Variants in FAM184A observed in about 807,000 individuals in gnomAD.
FAM184A encodes protein FAM184A.
A neutral mutation model predicts 143.8 loss-of-function variants in FAM184A; 99 were observed. The ratio of observed to expected loss-of-function variants is 0.69; its 90% CI spans 0.58 to 0.81. The LOEUF is 0.81. FAM184A is among the 40% of genes least tolerant of loss of function. The pLI, the probability that FAM184A is intolerant of heterozygous loss-of-function variation, is 0.00. For synonymous variants in FAM184A, 427 were observed against 446.4 expected (o/e 0.96, Z 0.55); for missense variants, 1,217 against 1,310.5 (o/e 0.93, Z 1.10).
chr6:119,053,732 G>A (rs1786852521), intron 1 of FAM184A, among the ~76,000 whole-genome samples: 1 of 152,118 alleles, frequency 6.6e-6, no homozygotes, highest in South Asian at 2.1e-4. Context: ...AAAAATGATT[G>A]ACAACCACCT....
At chr6:119,015,926 G>GTCT (rs1394970683) in intron 5 of FAM184A, among the ~76,000 whole-genome samples, 1 of 152,100 alleles carries the variant, frequency 6.6e-6, no homozygotes, top group African/African-American at 2.4e-5. Context: ...GTGGGGCCTT[G>GTCT]GAGAACCTTT....
intron 9 of FAM184A, among the ~76,000 whole-genome samples, chr6:118,995,419 C>G (rs930687265): frequency 2.7e-5 from 4 of 150,424 alleles, no homozygotes; most frequent in African/African-American, 7.3e-5. Context: ...ACCCTGTCTC[C>G]AAAAAAGAAA....
intron 1 of FAM184A, among the ~76,000 whole-genome samples, chr6:119,040,731 C>A (rs556839494): frequency 2.4e-3 from 370 of 152,234 alleles, no homozygotes; most frequent in African/African-American, 8.2e-3. Context: ...CCTGTTATAT[C>A]CCGGGGCTAA....
intron 1 of FAM184A, among the ~76,000 whole-genome samples, chr6:119,054,241 C>T (rs549736145): frequency 2.0e-5 from 3 of 152,306 alleles, no homozygotes; most frequent in Admixed American, 2.0e-4. Context: ...CAAAATGAAT[C>T]ACGCTAGCTT....
chr6:118,966,104 C>T (rs1783494321), intron 15 of FAM184A, among the ~76,000 whole-genome samples: 1 of 152,136 alleles, frequency 6.6e-6, no homozygotes, highest in Non-Finnish European at 1.5e-5. Flanking sequence ...GGCTGCCTCT[C>T]CTAAATGCAA....
intron 11 of FAM184A, among the ~76,000 whole-genome samples, chr6:118,976,871 A>G (rs959151403): frequency 2.0e-5 from 3 of 152,150 alleles, no homozygotes; most frequent in Middle Eastern, 3.2e-3. Flanking sequence ...ACACATTCCT[A>G]TCAGAAAGGA....
At chr6:119,024,841 A>C (rs1785575137) in intron 1 of FAM184A, 28 bp from the exon 2 acceptor site, 1 of 1,532,520 alleles carries the variant, frequency 6.5e-7, no homozygotes, top group Non-Finnish European at 8.7e-7. Flanking sequence ...AGAAGGGAGA[A>C]GGATTGTGAA....
rs749235513 is a variant in FAM184A, at chr6:119,024,001, T to C, written c.972A>G (p.Gln324=). The C allele has an allele frequency of 6.2e-7, 1 of 1,607,762 alleles. No homozygotes were observed. Among genetic ancestry groups the C allele is most frequent in the Non-Finnish European group, 8.5e-7 (1 of 1,178,348 alleles). ...DEAGSLLDKC[Q]KLQTALAIAE... ...CTATGGCAAGTGCCGTCTGAAGCTT[T>C]TGGCATTTGTCAAGAAGACTTCCAG... Residue 324 remains glutamine, a synonymous_variant, in exon 2 of 18, where the codon CAA becomes CAG. Transcript: ENST00000338891.
chr6:118,989,801 C>CATTTATTT (rs149164113), intron 9 of FAM184A, among the ~76,000 whole-genome samples: 15,894 of 144,792 alleles, frequency 0.11, 1,057 homozygotes, highest in Non-Finnish European at 0.15. Context: ...AGTATTTTTA[C>CATTTATTT]ATTTATTTAT....
At chr6:118,968,001 A>C (rs1436713738) in intron 14 of FAM184A, among the ~76,000 whole-genome samples, 1 of 152,204 alleles carries the variant, frequency 6.6e-6, no homozygotes, top group Non-Finnish European at 1.5e-5. Flanking sequence ...CCAAAAACTC[A>C]GCCTAAGCTA....
chr6:119,017,425 G>A (rs1785298119), intron 4 of FAM184A, among the ~76,000 whole-genome samples: 1 of 150,928 alleles, frequency 6.6e-6, no homozygotes, highest in Admixed American at 6.6e-5. Flanking sequence ...GTGAAACTGG[G>A]AGACAGAGTT....
intron 9 of FAM184A, among the ~76,000 whole-genome samples, chr6:118,981,423 A>G (rs905653074): frequency 6.6e-6 from 1 of 152,210 alleles, no homozygotes; most frequent in African/African-American, 2.4e-5. Flanking sequence ...CTGGTAAAAC[A>G]GTTTCTGCGG....
At chr6:118,980,887 A>G (rs181899252) in intron 9 of FAM184A, among the ~76,000 whole-genome samples, 1 of 152,356 alleles carries the variant, frequency 6.6e-6, no homozygotes, top group East Asian at 1.9e-4. Context: ...AACAAATATT[A>G]GCTAAGATTA....
rs1784927025 is a variant in FAM184A at position 119,006,585 on chromosome 6, T to C, written c.1677A>G (p.Val559=). Reference sequence around the variant, plus strand: ...AGCCAAGACCTTGTTCACTTTTCCTTACCATATCTTGGAGGTGGCCAATCT... The same window carrying C: ...AGCCAAGACCTTGTTCACTTTTCCTCACCATATCTTGGAGGTGGCCAATCT... ...NQEIGHLQDM[V]RKSEQGLGSA... is the part of the protein sequence containing the mutation. The change falls in exon 7 of 18, where the codon GTA becomes GTG. Residue 559 remains valine, a synonymous_variant. Coordinates refer to ENST00000338891, the MANE Select transcript of FAM184A (RefSeq NM_024581.6). The C allele has an allele frequency of 6.2e-7, 1 of 1,612,958 alleles. No homozygotes were observed. Among genetic ancestry groups the C allele is most frequent in the African/African-American group, 1.3e-5 (1 of 74,910 alleles).
At chr6:119,104,382 A>G (rs544870478) in intron 1 of FAM184A, among the ~76,000 whole-genome samples, 1 of 152,366 alleles carries the variant, frequency 6.6e-6, no homozygotes, top group South Asian at 2.1e-4. Context: ...ATTGGCTTTT[A>G]GAATGTGGAA....
intron 1 of FAM184A, among the ~76,000 whole-genome samples, chr6:119,119,306 C>A (rs1474804925): frequency 6.6e-6 from 1 of 152,176 alleles, no homozygotes; most frequent in Non-Finnish European, 1.5e-5. Flanking sequence ...TCTCTGTGAC[C>A]CACACCCTAT....
rs543702700 is a variant in FAM184A at position 119,060,605 on chromosome 6, G to A, written c.159+17536C>T. On this transcript the variant is annotated intron_variant, in intron 1 of 17. Coordinates refer to ENST00000338891, the MANE Select transcript of FAM184A (RefSeq NM_024581.6). ...ATACCTTCTAACATGGTTTAGATCT[G>A]TGGCCCCACCCAAATCTCTTGTCAG... Among the ~76,000 whole-genome samples, 9 of 152,296 alleles carry A rather than the reference G, an allele frequency of 5.9e-5. No individual in the cohort carries two copies. The East Asian group carries it at 1.5e-3, about 26-fold the overall frequency.
At chr6:119,124,957 C>T (rs1179571176) in intron 1 of FAM184A, among the ~76,000 whole-genome samples, 1 of 152,132 alleles carries the variant, frequency 6.6e-6, no homozygotes, top group African/African-American at 2.4e-5. Context: ...TCCCAGGGAT[C>T]CACAGTTCCC....
At chr6:119,131,551 T>C (rs749299420) in intron 1 of FAM184A, among the ~76,000 whole-genome samples, 8 of 152,166 alleles carry the variant, frequency 5.3e-5, no homozygotes, top group Non-Finnish European at 1.0e-4. Flanking sequence ...AGTGGTGTGA[T>C]CACGGCTCCC....
Sources: gnomAD v4.1 joint callset for allele counts (sites outside exome capture counted in the v4.1 genomes callset) on GRCh38, gnomAD v4.1.1 for gene constraint, MANE v1.5 for transcripts, NCBI Gene and HGNC (gene_info 2026-07-23, HGNC 2026-07-21) for gene names.